The following KYAT3 variants were observed in gnomAD, a reference collection of about 807,000 sequenced individuals.
KYAT3 encodes the protein kynurenine--oxoglutarate transaminase 3.
A neutral mutation model predicts 59.0 loss-of-function variants in KYAT3; 50 were observed. The ratio of observed to expected loss-of-function variants is 0.85; its 90% CI spans 0.68 to 1.07. The LOEUF is 1.07. KYAT3 is among the 50% of genes least tolerant of loss of function. The pLI is 0.00. For synonymous variants in KYAT3, 148 were observed against 177.0 expected, an observed-to-expected ratio of 0.84 and a Z score of 1.30; for missense variants, 497 against 533.3, an observed-to-expected ratio of 0.93 and a Z score of 0.67.
At chr1:88,953,485 G>T (rs181758792) in intron 9 of KYAT3, among the ~76,000 whole-genome samples, 220 of 148,676 alleles carry the variant, frequency 1.5e-3, no homozygotes, top group Middle Eastern at 3.5e-3. Context: ...GGCAGAGGTT[G>T]CAGTGAGCTG....
rs143611687 is a variant in KYAT3, at chr1:88,940,749, C to T, written c.1302+2256G>A. ...AAATCTATAGACCAACCAGAGTCTCCTTTCCACCTTGCCTTACATAGTTTC... is the reference window on the plus strand; with the variant it reads ...AAATCTATAGACCAACCAGAGTCTCTTTTCCACCTTGCCTTACATAGTTTC... On this transcript the variant is annotated intron_variant, in intron 13 of 13. Transcript: ENST00000260508. Among the ~76,000 whole-genome samples, 133 of 152,312 alleles carry T rather than the reference C, an allele frequency of 8.7e-4. 1 individual carries two copies. The highest frequency in any genetic ancestry group is 4.6e-3 in the Admixed American group (71 of 15,302).
At position 88,992,568 on chromosome 1, in the gene KYAT3, G is replaced by GCGCC. The variant is rs1677879073; in HGVS notation, c.-2+13_-2+16dup. ...GCACGGAAGCGCCGCGCCGCGCCGCGCGCCCGCCCCACTCACCTATCCGGT... is the reference window on the plus strand; with the variant it reads ...GCACGGAAGCGCCGCGCCGCGCCGCGCGCCCGCCCGCCCCACTCACCTATCCGGT... On this transcript the variant is annotated intron_variant, in intron 1 of 13. Coordinates refer to ENST00000260508, the MANE Select transcript of KYAT3 (RefSeq NM_001008661.3). 6.6e-6 allele frequency: 1 copy of GCGCC among 152,670 alleles called. No individual in the cohort carries two copies. The highest frequency in any genetic ancestry group is 6.5e-5 in the Admixed American group (1 of 15,284). The allele number at this position is 152,670 out of a possible 1,614,324, so 9.5% of individuals were successfully genotyped here.
chr1:88,965,743 T>C (rs562713048), intron 4 of KYAT3, among the ~76,000 whole-genome samples: 2 of 152,314 alleles, frequency 1.3e-5, no homozygotes, highest in East Asian at 3.9e-4. Flanking sequence ...CTGTCCAGCA[T>C]CTACCTCCTC....
At chr1:88,955,328 G>T in intron 8 of KYAT3, 103 bp from the exon 9 acceptor site, 4 of 704,580 alleles carry the variant, frequency 5.7e-6, no homozygotes, top group East Asian at 2.9e-5. Context: ...GAAAATAAGT[G>T]TGTTATAATT....
chr1:88,925,701 A>G, the KYAT3 span, among the ~76,000 whole-genome samples: 1 of 151,174 alleles, frequency 6.6e-6, no homozygotes, highest in Non-Finnish European at 1.5e-5. Flanking sequence ...AGAGAGAGAG[A>G]GATGGAGGAG....
At chr1:88,941,431 G>A (rs1299710275) in intron 13 of KYAT3, among the ~76,000 whole-genome samples, 2 of 152,052 alleles carry the variant, frequency 1.3e-5, no homozygotes, top group East Asian at 3.9e-4. Context: ...AAAAGGAGAA[G>A]TTTGATAGTG....
At chr1:88,933,305 G>A (rs144528815), downstream of KYAT3, among the ~76,000 whole-genome samples, 3,413 of 152,228 alleles carry the variant, frequency 0.022, 61 homozygotes, top group Non-Finnish European at 0.034. Flanking sequence ...GATGTAGTAA[G>A]TGCCTACAAG....
the KYAT3 span, among the ~76,000 whole-genome samples, chr1:88,927,085 G>T: frequency 2.0e-5 from 3 of 152,170 alleles, no homozygotes; most frequent in Non-Finnish European, 1.5e-5. Flanking sequence ...GATAAGCAGA[G>T]GTCCATGGGT....
downstream of KYAT3, among the ~76,000 whole-genome samples, chr1:88,934,074 G>C (rs1171487076): frequency 6.6e-6 from 1 of 152,160 alleles, no homozygotes; most frequent in Non-Finnish European, 1.5e-5. Context: ...TCACAGAAGT[G>C]GGGTTGAAGT....
chr1:88,968,930 G>A (rs1676448118), intron 3 of KYAT3, 116 bp from the exon 4 acceptor site: 1 of 742,512 alleles, frequency 1.3e-6, no homozygotes, highest in African/African-American at 1.9e-5. Context: ...AGTCCTATAG[G>A]TTTTAAAAAA....
chr1:88,943,350 CT>C lies in KYAT3; in HGVS notation c.1214del (p.Lys405ArgfsTer57). On this transcript the variant is annotated frameshift_variant and splice_region_variant, in exon 12 of 14. Coordinates refer to ENST00000260508, the MANE Select transcript of KYAT3 (RefSeq NM_001008661.3). LOFTEE classifies it high-confidence loss of function. ...TCTTGCAAAGAACAATAAACATTAC[CT>C]TATGTTTAGTCATCCATTTCACAAA... ...YKFVKWMTKH[K>X]KLSAIPVSAF... 6.7e-7 allele frequency: 1 copy of C among 1,484,104 alleles called. No individual in the cohort carries two copies. Among genetic ancestry groups the C allele is most frequent in the Non-Finnish European group, 9.3e-7 (1 of 1,070,676 alleles). The allele number at this position is 1,484,104 out of a possible 1,614,324, so 91.9% of individuals were successfully genotyped here.
chr1:88,936,737 A>G (rs1675053051), intron 13 of KYAT3, among the ~76,000 whole-genome samples: 2 of 152,252 alleles, frequency 1.3e-5, no homozygotes, highest in South Asian at 4.1e-4. Context: ...TTATTGAAAA[A>G]TAGTTTATTT....
At chr1:88,969,145 G>A (rs1676455565) in intron 3 of KYAT3, among the ~76,000 whole-genome samples, 1 of 152,192 alleles carries the variant, frequency 6.6e-6, no homozygotes, top group Non-Finnish European at 1.5e-5. Context: ...AAAGTTCCTG[G>A]ATTGGAGGTT....
chr1:88,978,326 T>C (rs1676895154), intron 2 of KYAT3, among the ~76,000 whole-genome samples: 1 of 152,082 alleles, frequency 6.6e-6, no homozygotes, highest in South Asian at 2.1e-4. Flanking sequence ...TTTTATTTCT[T>C]CTCCGGGTGG....
intron 2 of KYAT3, among the ~76,000 whole-genome samples, chr1:88,974,350 T>C (rs1676676281): frequency 6.6e-6 from 1 of 152,178 alleles, no homozygotes; most frequent in Admixed American, 6.5e-5. Context: ...AAATTTCACT[T>C]TTAATTACAA....
chr1:88,968,908 A>C, intron 3 of KYAT3, 94 bp from the exon 4 acceptor site: 1 of 955,632 alleles, frequency 1.0e-6, no homozygotes, highest in Non-Finnish European at 1.5e-6. Context: ...CAGACAAATA[A>C]GACCCTAGTT....
intron 11 of KYAT3, among the ~76,000 whole-genome samples, chr1:88,948,363 G>A (rs1424730337): frequency 1.3e-5 from 2 of 151,910 alleles, no homozygotes; most frequent in African/African-American, 2.4e-5. Context: ...TAGGCTTCAA[G>A]GTTTACTATT....
downstream of KYAT3, among the ~76,000 whole-genome samples, chr1:88,935,177 AT>A (rs1459394167): frequency 6.9e-6 from 1 of 144,076 alleles, no homozygotes; most frequent in Non-Finnish European, 1.5e-5. Flanking sequence ...TTTTTTTTGT[AT>A]TTTTAGTAGA....
the KYAT3 span, among the ~76,000 whole-genome samples, chr1:88,929,473 C>T: frequency 1.4e-4 from 22 of 152,298 alleles, no homozygotes; most frequent in Admixed American, 4.6e-4. Context: ...TCGAACCCAA[C>T]GTCTCAACTC....
Sources: allele counts gnomAD v4.1 joint callset (sites outside exome capture counted in the v4.1 genomes callset), GRCh38; gene constraint gnomAD v4.1.1; transcripts MANE v1.5; gene names NCBI Gene and HGNC (gene_info 2026-07-23, HGNC 2026-07-21).